The following COL4A2 variants were observed in gnomAD, a reference collection of about 807,000 sequenced individuals.
COL4A2 encodes the protein collagen alpha-2(IV) chain.
A neutral mutation model predicts 200.2 loss-of-function variants in COL4A2; 99 were observed. The ratio of observed to expected loss-of-function variants is 0.49; its 90% CI spans 0.42 to 0.58. COL4A2 has a LOEUF of 0.58. Among genes scored for constraint, COL4A2 ranks in the 20% least tolerant of loss-of-function variants. COL4A2 has a pLI of 0.00. For missense variants in COL4A2, 1,950 were observed against 2,314.1 expected (o/e 0.84, Z 3.23); for synonymous variants, 897 against 900.6 (o/e 1.00, Z 0.07).
Position 110,503,884 on chromosome 13 carries a change from A to T in COL4A2, c.4176A>T (p.Gly1392=), listed in dbSNP as rs761530105. 3 of 1,613,716 alleles carry T rather than the reference A, an allele frequency of 1.9e-6. No individual in the cohort carries two copies. Among genetic ancestry groups the T allele is most frequent in the Non-Finnish European group, 2.5e-6 (3 of 1,179,792 alleles). The stretch of plus-strand genomic sequence containing the variant: ...CTGTGGGAGCCCCCGGGATTGCAGG[A>T]ATCCCCCAGAAGATTGCCGTCCAAC... The part of the protein sequence containing the change: ...PGTVGAPGIA[G]IPQKIAVQPG... Residue 1392 remains glycine (G), a synonymous_variant, in exon 44 of 48, where the codon GGA becomes GGT. Coordinates refer to ENST00000360467, the MANE Select transcript of COL4A2 (RefSeq NM_001846.4).
chr13:110,474,558 A>G (rs998887470), intron 29 of COL4A2, among the ~76,000 whole-genome samples: 1 of 123,974 alleles, frequency 8.1e-6, no homozygotes, highest in Non-Finnish European at 1.8e-5. Context: ...ATGCATGCAC[A>G]CACACACACA....
Position 110,307,595 on chromosome 13 carries a change from A to G in COL4A2, c.-45+67A>G. On this transcript the variant is annotated intron_variant, in intron 1 of 47. Coordinates refer to ENST00000360467, the MANE Select transcript of COL4A2 (RefSeq NM_001846.4). This position sits in a 1 kb window ranked among gnomAD's most constrained non-coding sequence, Gnocchi z 5.0. The stretch of plus-strand genomic sequence containing the variant: ...AGCACCGACTTGGAGCGCCTTGTGC[A>G]GGCTAGGGCTGCACGCTCTCCTGCT... The G allele has an allele frequency of 2.5e-6, 1 of 404,500 alleles. No individual in the cohort carries two copies. The highest frequency in any genetic ancestry group is 7.9e-5 in the South Asian group (1 of 12,642). 25.1% of individuals were successfully genotyped at this position (404,500 alleles called of 1,614,324 possible).
intron 4 of COL4A2, among the ~76,000 whole-genome samples, chr13:110,361,677 C>T (rs2139392594): frequency 6.6e-6 from 1 of 152,330 alleles, no homozygotes; most frequent in South Asian, 2.1e-4. Context: ...ATTTGCAGAG[C>T]TTTGTTCATC....
chr13:110,347,033 G>C (rs577306986), intron 3 of COL4A2, among the ~76,000 whole-genome samples: 3 of 152,232 alleles, frequency 2.0e-5, no homozygotes, highest in African/African-American at 7.2e-5. Flanking sequence ...TCGCTGGTGA[G>C]AGGGCGCATC....
intron 15 of COL4A2, 89 bp from the exon 16 acceptor site, chr13:110,439,700 G>A: frequency 6.3e-7 from 1 of 1,595,730 alleles, no homozygotes; most frequent in South Asian, 1.1e-5. Flanking sequence ...GCATTTTGCT[G>A]TGATCACAGC....
chr13:110,459,537 A>T (rs1881934115), intron 22 of COL4A2: 1 of 122,622 alleles, frequency 8.2e-6, no homozygotes, highest in Non-Finnish European at 1.6e-5. Context: ...CAACCTAGAA[A>T]CAGGAAGTCG....
At chr13:110,436,184 G>A in intron 12 of COL4A2, 85 bp from the exon 13 acceptor site, 1 of 1,592,240 alleles carries the variant, frequency 6.3e-7, no homozygotes, top group Non-Finnish European at 8.6e-7. Context: ...TAAAACTGCA[G>A]TATTTTGGCC....
intron 15 of COL4A2, 80 bp downstream of exon 15, chr13:110,438,748 A>G: frequency 1.3e-6 from 2 of 1,574,572 alleles, no homozygotes; most frequent in Non-Finnish European, 1.7e-6. Context: ...GAGCTGTTTC[A>G]GATTCACAGC....
chr13:110,504,063 C>A (rs1158117609), intron 44 of COL4A2, 70 bp downstream of exon 44: 2 of 1,562,640 alleles, frequency 1.3e-6, no homozygotes, highest in Non-Finnish European at 1.8e-6. Context: ...GCTGGCATTG[C>A]GTCCTCTTGT....
chr13:110,495,742 G>T (rs1279385081), intron 40 of COL4A2, among the ~76,000 whole-genome samples: 1 of 152,200 alleles, frequency 6.6e-6, no homozygotes, highest in African/African-American at 2.4e-5. Context: ...CAGATCCTCT[G>T]TGCGCCTGGG....
chr13:110,438,086 C>T (rs745880349), intron 14 of COL4A2, 49 bp downstream of exon 14: 17 of 1,534,914 alleles, frequency 1.1e-5, no homozygotes, highest in African/African-American at 1.4e-5. Flanking sequence ...CCTGGGCTGT[C>T]GGCGCTCTGC....
Position 110,307,781 on chromosome 13 carries a change from T to C in COL4A2, c.-44-79T>C. On this transcript the variant is annotated intron_variant, in intron 1 of 47. Transcript: ENST00000360467. The surrounding 1 kb of genome is among the most constrained non-coding windows in gnomAD (Gnocchi z 5.0). ...GGCCGCGCACCGCGCTGTCCCCGCG[T>C]CTCGCGGACCGAGACCGGCGGTGAG... 1 of 1,340,722 alleles carries C rather than the reference T, an allele frequency of 7.5e-7. No homozygotes were observed. The highest frequency in any genetic ancestry group is 1.0e-6 in the Non-Finnish European group (1 of 989,932). The allele number at this position is 1,340,722 out of a possible 1,614,324, so 83.1% of individuals were successfully genotyped here.
intron 3 of COL4A2, among the ~76,000 whole-genome samples, chr13:110,356,126 T>C (rs921052969): frequency 2.0e-5 from 3 of 152,194 alleles, no homozygotes; most frequent in African/African-American, 7.2e-5. Context: ...TTGATCTGAA[T>C]GTTGAGATCA....
intron 22 of COL4A2, chr13:110,459,824 T>C (rs1881951557): frequency 6.6e-6 from 1 of 152,130 alleles, no homozygotes; most frequent in Non-Finnish European, 1.5e-5. Flanking sequence ...CAAGAACTGA[T>C]TCAGCATTGT....
At chr13:110,490,721 T>C (rs1431462289) in intron 36 of COL4A2, among the ~76,000 whole-genome samples, 1 of 152,224 alleles carries the variant, frequency 6.6e-6, no homozygotes, top group Non-Finnish European at 1.5e-5. Context: ...ATTTGGTTTA[T>C]AAACACAGAA....
rs1880959881 is a variant in COL4A2, at chr13:110,437,993, T to C, written c.826-9T>C. 2 of 1,611,248 alleles carry C rather than the reference T, an allele frequency of 1.2e-6. No homozygotes were observed. The highest frequency in any genetic ancestry group is 4.5e-5 in the East Asian group (2 of 44,866). On this transcript the variant is annotated splice_polypyrimidine_tract_variant and intron_variant, in intron 13 of 47. Coordinates refer to ENST00000360467, the MANE Select transcript of COL4A2 (RefSeq NM_001846.4). The stretch of plus-strand genomic sequence containing the variant: ...AATAAGCGTTTCTTATTTTTCATAT[T>C]CTTCACAGGGTGAAAAAGGCAGTGA...
intron 4 of COL4A2, among the ~76,000 whole-genome samples, chr13:110,422,975 T>C (rs1159875192): frequency 6.6e-6 from 1 of 152,182 alleles, no homozygotes; most frequent in Non-Finnish European, 1.5e-5. Flanking sequence ...ACGTCTCAGC[T>C]GAACAGTTTA....
intron 4 of COL4A2, among the ~76,000 whole-genome samples, chr13:110,407,256 G>A (rs959497887): frequency 3.3e-5 from 5 of 152,236 alleles, no homozygotes; most frequent in African/African-American, 1.2e-4. Context: ...AAACGGCTTG[G>A]AGAAGCTCCC....
intron 3 of COL4A2, among the ~76,000 whole-genome samples, chr13:110,353,354 C>T (rs1877043817): frequency 6.6e-6 from 1 of 152,120 alleles, no homozygotes; most frequent in African/African-American, 2.4e-5. Flanking sequence ...AGAATAGGAT[C>T]GCGGCTTGTC....
Sources: allele counts gnomAD v4.1 joint callset (sites outside exome capture counted in the v4.1 genomes callset), GRCh38; gene constraint gnomAD v4.1.1; non-coding constraint Gnocchi (gnomAD v3.1); transcripts MANE v1.5; gene names NCBI Gene and HGNC (gene_info 2026-07-23, HGNC 2026-07-21).